TMCC1: variants seen among roughly 807,000 people sequenced by gnomAD.
TMCC1 encodes the protein transmembrane and coiled-coil domains protein 1.
TMCC1 carries 15 observed loss-of-function variants against 52.4 expected under a neutral mutation model. That is an observed-to-expected ratio of 0.29 (90% confidence interval 0.19 to 0.44). TMCC1 has a LOEUF of 0.44. Ranked by LOEUF, TMCC1 falls within the 20% of genes least tolerant of loss-of-function variation. TMCC1 has a pLI of 1.00. For missense variants in TMCC1, 503 were observed against 806.0 expected, an observed-to-expected ratio of 0.62 and a Z score of 4.55; for synonymous variants, 279 against 301.9, an observed-to-expected ratio of 0.92 and a Z score of 0.79.
At chr3:129,861,637 G>A (rs188573377) in intron 2 of TMCC1, among the ~76,000 whole-genome samples, 1 of 152,262 alleles carries the variant, frequency 6.6e-6, no homozygotes, top group African/African-American at 2.4e-5. Context: ...CACCTTGTTA[G>A]TCATTAAGGA....
At chr3:129,846,417 A>G (rs2059666993) in intron 2 of TMCC1, among the ~76,000 whole-genome samples, 1 of 152,186 alleles carries the variant, frequency 6.6e-6, no homozygotes, top group Non-Finnish European at 1.5e-5. Flanking sequence ...TTTCTCCTTC[A>G]CTGCAGGTCA....
rs184921662 is a variant in TMCC1 at position 129,864,972 on chromosome 3, G to A, written c.-184+15337C>T. ...GCAAACTTTGAAATGCCTACTAGGCGTCCAGGCACTACATTGGACCCAACA... is the reference window on the plus strand; with the variant it reads ...GCAAACTTTGAAATGCCTACTAGGCATCCAGGCACTACATTGGACCCAACA... On this transcript the variant is annotated intron_variant, in intron 2 of 6. Transcript: ENST00000393238. 8.5e-5 allele frequency among the ~76,000 whole-genome samples: 13 copies of A among 152,286 alleles called. 1 individual carries two copies. In the South Asian group the frequency reaches 2.5e-3, roughly 29 times the overall value.
chr3:129,884,252 T>A (rs1007666375), intron 1 of TMCC1, among the ~76,000 whole-genome samples: 5 of 152,064 alleles, frequency 3.3e-5, no homozygotes, highest in Admixed American at 6.6e-5. Flanking sequence ...ATAAACAAAA[T>A]ATACACGCAT....
At chr3:129,702,803 A>G (rs1199293305) in intron 4 of TMCC1, among the ~76,000 whole-genome samples, 2 of 152,122 alleles carry the variant, frequency 1.3e-5, no homozygotes, top group South Asian at 4.1e-4. Flanking sequence ...ATCACTGGAT[A>G]TCAGGAGTTC....
chr3:129,815,341 T>C (rs2058044198), intron 4 of TMCC1, among the ~76,000 whole-genome samples: 1 of 152,114 alleles, frequency 6.6e-6, no homozygotes, highest in Admixed American at 6.6e-5. Flanking sequence ...TCACACTACC[T>C]GACTTCAAAA....
At chr3:129,789,566 C>T (rs994931561) in intron 4 of TMCC1, among the ~76,000 whole-genome samples, 3 of 152,156 alleles carry the variant, frequency 2.0e-5, no homozygotes, top group African/African-American at 7.2e-5. Context: ...CTGCAAGCTC[C>T]GCCTCCTGGG....
chr3:129,770,580 GATAAA>G (rs1157729408), intron 4 of TMCC1, among the ~76,000 whole-genome samples: 82 of 147,736 alleles, frequency 5.6e-4, no homozygotes, highest in Middle Eastern at 6.8e-3. Flanking sequence ...CCTGTCTTAA[GATAAA>G]ATAAAATAAA....
At chr3:129,854,315 C>G (rs1408006787) in intron 2 of TMCC1, among the ~76,000 whole-genome samples, 1 of 151,330 alleles carries the variant, frequency 6.6e-6, no homozygotes, top group Non-Finnish European at 1.5e-5. Context: ...TCGCTCAAAC[C>G]TGGGAGGCGG....
intron 2 of TMCC1, among the ~76,000 whole-genome samples, chr3:129,852,686 G>GCC (rs1326663226): frequency 6.6e-6 from 1 of 152,058 alleles, no homozygotes; most frequent in African/African-American, 2.4e-5. Context: ...GGTTGAGATG[G>GCC]TAAATTTTCT....
chr3:129,795,718 G>A (rs2056780609), intron 4 of TMCC1, among the ~76,000 whole-genome samples: 1 of 152,200 alleles, frequency 6.6e-6, no homozygotes, highest in Non-Finnish European at 1.5e-5. Flanking sequence ...AAACCATTCA[G>A]AAGTTGTAAA....
intron 4 of TMCC1, among the ~76,000 whole-genome samples, chr3:129,750,243 T>A (rs981753859): frequency 1.3e-5 from 2 of 152,176 alleles, no homozygotes; most frequent in Non-Finnish European, 2.9e-5. Flanking sequence ...CAGGCTGGAG[T>A]GCAGTGGCGT....
rs139023418 is a variant in TMCC1 at position 129,782,764 on chromosome 3, G to C, written c.576+45039C>G. On this transcript the variant is annotated intron_variant, in intron 4 of 6. Coordinates refer to ENST00000393238, the MANE Select transcript of TMCC1 (RefSeq NM_001017395.5). ...TTCAGGTGGTTGCTGAGTACCATTT[G>C]ATTACCGTATGAACTGCGGTGTGTT... Among the ~76,000 whole-genome samples, 7 of 152,300 alleles carry C rather than the reference G, an allele frequency of 4.6e-5. No homozygotes were observed. In the East Asian group the frequency reaches 1.3e-3, roughly 29 times the overall value.
intron 1 of TMCC1, among the ~76,000 whole-genome samples, chr3:129,883,051 G>A (rs948197722): frequency 6.6e-6 from 1 of 152,042 alleles, no homozygotes; most frequent in Non-Finnish European, 1.5e-5. Flanking sequence ...CACTTTGGGA[G>A]GCCAAAGTGG....
chr3:129,882,758 C>T (rs764637007), intron 1 of TMCC1, among the ~76,000 whole-genome samples: 3 of 152,066 alleles, frequency 2.0e-5, no homozygotes, highest in Non-Finnish European at 4.4e-5. Flanking sequence ...TATTAAGTGA[C>T]AGGAGACAGT....
intron 2 of TMCC1, among the ~76,000 whole-genome samples, chr3:129,871,562 C>A (rs1372611664): frequency 6.6e-6 from 1 of 152,074 alleles, no homozygotes. Flanking sequence ...TCAATCCACA[C>A]AACTTAGCAA....
chr3:129,760,454 C>CTCTGTG (rs2053453789), intron 4 of TMCC1, among the ~76,000 whole-genome samples: 1 of 128,976 alleles, frequency 7.8e-6, no homozygotes. Flanking sequence ...CAGTCTCGCT[C>CTCTGTG]TGTGTGTGTG....
chr3:129,662,692 ATGT>A (rs1481506939), intron 5 of TMCC1, among the ~76,000 whole-genome samples: 9 of 152,326 alleles, frequency 5.9e-5, no homozygotes, highest in African/African-American at 1.9e-4. Context: ...ACTGTCTTAT[ATGT>A]TGTTGATCAA....
intron 4 of TMCC1, among the ~76,000 whole-genome samples, chr3:129,826,411 G>A (rs1404771287): frequency 2.0e-5 from 3 of 151,898 alleles, no homozygotes; most frequent in Admixed American, 6.6e-5. Context: ...GGAGGCTGAG[G>A]TGGGATGATC....
At chr3:129,867,642 G>A (rs915500193) in intron 2 of TMCC1, among the ~76,000 whole-genome samples, 2 of 152,156 alleles carry the variant, frequency 1.3e-5, no homozygotes, top group Admixed American at 6.5e-5. Context: ...AGTAAAGAAA[G>A]AACATATAGC....
Sources: allele counts gnomAD v4.1 joint callset (sites outside exome capture counted in the v4.1 genomes callset), GRCh38; gene constraint gnomAD v4.1.1; transcripts MANE v1.5; gene names NCBI Gene and HGNC (gene_info 2026-07-23, HGNC 2026-07-21).